NGF: variants seen among roughly 807,000 people sequenced by gnomAD.
NGF encodes beta-nerve growth factor.
Under a neutral mutation model 12.8 loss-of-function variants are expected in NGF, and 4 were observed. The observed-to-expected ratio is 0.31, with a 90% CI of 0.15 to 0.72. The LOEUF (loss-of-function observed/expected upper bound fraction) is 0.72. Ranked by LOEUF, NGF falls within the 30% of genes least tolerant of loss-of-function variation. The probability of loss-of-function intolerance (pLI) is 0.69; values close to 1 mark genes in which losing one functional copy is unlikely to be tolerated. For missense variants in NGF, 283 were observed against 330.8 expected, an observed-to-expected ratio of 0.86 and a Z score of 1.12; for synonymous variants, 140 against 130.0, an observed-to-expected ratio of 1.08 and a Z score of -0.52.
chr1:115,295,912 G>T (rs539966662), intron 1 of NGF, among the ~76,000 whole-genome samples: 115 of 152,306 alleles, frequency 7.6e-4, no homozygotes, highest in South Asian at 1.7e-3. Context: ...ACACAAAGGA[G>T]AATAAGACAT....
intron 1 of NGF, among the ~76,000 whole-genome samples, chr1:115,322,802 T>C (rs1654667265): frequency 6.6e-6 from 1 of 152,192 alleles, no homozygotes; most frequent in Non-Finnish European, 1.5e-5. Flanking sequence ...CATGATGCCA[T>C]GGCGACGACC....
intron 1 of NGF, among the ~76,000 whole-genome samples, chr1:115,335,371 G>T (rs1183770186): frequency 1.3e-5 from 2 of 152,186 alleles, no homozygotes; most frequent in African/African-American, 4.8e-5. Context: ...TTGGGGAAGG[G>T]TCTTTCATCC....
intron 1 of NGF, among the ~76,000 whole-genome samples, chr1:115,337,771 C>T (rs1362791544): frequency 6.6e-6 from 1 of 152,104 alleles, no homozygotes; most frequent in African/African-American, 2.4e-5. Flanking sequence ...GCTCTGCGCT[C>T]CCCCCGCGGT....
intron 1 of NGF, among the ~76,000 whole-genome samples, chr1:115,323,007 T>C (rs1057448938): frequency 6.6e-6 from 1 of 152,218 alleles, no homozygotes; most frequent in African/African-American, 2.4e-5. Flanking sequence ...GTTACATATG[T>C]TCTCTTTTTA....
chr1:115,333,702 TTTCTTTCTTTCTTTTCTTTCTTTCC>T (rs1557949281), intron 1 of NGF, among the ~76,000 whole-genome samples: 4 of 62,740 alleles, frequency 6.4e-5, no homozygotes, highest in South Asian at 5.2e-4. Context: ...TCTTTCTTTC[TTTCTTTCTTTCTTTTCTTTCTTTCC>T]TTCTTTCTTT....
intron 1 of NGF, among the ~76,000 whole-genome samples, chr1:115,333,499 TAAA>T (rs34024301): frequency 1.6e-4 from 12 of 76,604 alleles, no homozygotes; most frequent in Admixed American, 8.6e-4. Flanking sequence ...ATAGTACTAC[TAAA>T]AAAAAAAAAA....
At chr1:115,287,860 C>T (rs1653563233) in intron 2 of NGF, among the ~76,000 whole-genome samples, 1 of 152,226 alleles carries the variant, frequency 6.6e-6, no homozygotes, top group African/African-American at 2.4e-5. Context: ...AATCCCCCAA[C>T]TTGGTCAAGT....
intron 1 of NGF, among the ~76,000 whole-genome samples, chr1:115,329,240 A>AGTATGTACTTCATACATCTAT (rs557705579): frequency 1.5e-3 from 229 of 152,302 alleles, no homozygotes; most frequent in African/African-American, 5.4e-3. Context: ...AGAACTTCAT[A>AGTATGTACTTCATACATCTAT]GTATGTACTT....
intron 1 of NGF, among the ~76,000 whole-genome samples, chr1:115,301,683 T>C (rs546101646): frequency 6.6e-6 from 1 of 152,336 alleles, no homozygotes; most frequent in African/African-American, 2.4e-5. Flanking sequence ...CCTGCAGCTG[T>C]GGGGCGATTA....
chr1:115,316,974 T>C (rs894568596), intron 1 of NGF, among the ~76,000 whole-genome samples: 1 of 152,162 alleles, frequency 6.6e-6, no homozygotes, highest in Admixed American at 6.5e-5. Flanking sequence ...ATATTTAGGG[T>C]ACATCCTTCC....
chr1:115,325,542 G>A (rs1213393808), intron 1 of NGF, among the ~76,000 whole-genome samples: 1 of 152,040 alleles, frequency 6.6e-6, no homozygotes, highest in East Asian at 1.9e-4. Context: ...CTTCATTTAA[G>A]AACCACTGAA....
intron 1 of NGF, among the ~76,000 whole-genome samples, chr1:115,306,953 T>C (rs561366568): frequency 4.5e-4 from 69 of 152,348 alleles, no homozygotes; most frequent in African/African-American, 1.6e-3. Flanking sequence ...GTACCGATGA[T>C]TGATGGCCCT....
At chr1:115,315,481 A>G in intron 1 of NGF, among the ~76,000 whole-genome samples, 1 of 152,266 alleles carries the variant, frequency 6.6e-6, no homozygotes, top group East Asian at 1.9e-4. Context: ...ATCGAGGATG[A>G]CGCCAAGCTT....
chr1:115,326,333 G>C (rs1214836194), intron 1 of NGF, among the ~76,000 whole-genome samples: 1 of 152,086 alleles, frequency 6.6e-6, no homozygotes, highest in Admixed American at 6.5e-5. Flanking sequence ...CAATGGTGGT[G>C]GCAATGGTAC....
Position 115,286,400 on chromosome 1 carries a change from T to C in NGF, c.396A>G (p.Glu132=), listed in dbSNP as rs1195266340. ...CGCTGACACTGTCACACACCGAGAA[T>C]TCGCCCCTGTGGAAGATGGGATGGG... ...SSSHPIFHRG[E]FSVCDSVSVW... The change falls in exon 3 of 3, where the codon GAA becomes GAG. Residue 132 remains glutamate (E), a synonymous_variant. Transcript: ENST00000369512. 6.2e-7 allele frequency: 1 copy of C among 1,613,818 alleles called. No individual in the cohort carries two copies. The highest frequency in any genetic ancestry group is 8.5e-7 in the Non-Finnish European group (1 of 1,179,974).
intron 1 of NGF, among the ~76,000 whole-genome samples, chr1:115,305,505 G>A (rs1654177586): frequency 1.3e-5 from 2 of 152,298 alleles, no homozygotes; most frequent in East Asian, 1.9e-4. Flanking sequence ...CCATGATATG[G>A]ATAATGTATA....
At chr1:115,289,496 A>G (rs895420819) in intron 2 of NGF, among the ~76,000 whole-genome samples, 6 of 151,956 alleles carry the variant, frequency 3.9e-5, no homozygotes, top group African/African-American at 1.2e-4. Context: ...TGTGCAATTG[A>G]CTCCCATACC....
intron 1 of NGF, among the ~76,000 whole-genome samples, chr1:115,320,728 G>C (rs1298418190): frequency 6.6e-6 from 1 of 152,264 alleles, no homozygotes; most frequent in African/African-American, 2.4e-5. Flanking sequence ...ACTTTGGAAA[G>C]TGAAACCACA....
At chr1:115,334,918 G>T (rs540453233) in intron 1 of NGF, among the ~76,000 whole-genome samples, 3 of 152,178 alleles carry the variant, frequency 2.0e-5, no homozygotes, top group Non-Finnish European at 4.4e-5. Context: ...ACTTGCTCAA[G>T]GTCACAAAGC....
Sources: allele counts gnomAD v4.1 joint callset (sites outside exome capture counted in the v4.1 genomes callset), GRCh38; gene constraint gnomAD v4.1.1; transcripts MANE v1.5; gene names NCBI Gene and HGNC (gene_info 2026-07-23, HGNC 2026-07-21).